Variants in DNAJB12 observed in about 807,000 individuals in gnomAD.
DNAJB12 encodes the protein dnaJ homolog subfamily B member 12.
In DNAJB12, 14 loss-of-function variants were observed where a neutral mutation model predicts 40.6. The ratio of observed to expected loss-of-function variants is 0.34; its 90% CI spans 0.23 to 0.54. The LOEUF (loss-of-function observed/expected upper bound fraction) is 0.54, where lower values mean the gene tolerates loss of function less well. Among genes scored for constraint, DNAJB12 ranks in the 20% least tolerant of loss-of-function variants. The probability of loss-of-function intolerance (pLI) is 0.92; values close to 1 mark genes in which losing one functional copy is unlikely to be tolerated. For missense variants in DNAJB12, 444 were observed against 501.7 expected, an observed-to-expected ratio of 0.89 and a Z score of 1.10; for synonymous variants, 181 against 199.5, an observed-to-expected ratio of 0.91 and a Z score of 0.78.
At chr10:72,354,642 C>CAGTGCGCAGTAGGCGT (rs1862018491) in intron 1 of DNAJB12, 123 bp downstream of exon 1, 1 of 918,228 alleles carries the variant, frequency 1.1e-6, no homozygotes, top group Non-Finnish European at 1.6e-6. Context: ...CCGCGCGCCT[C>CAGTGCGCAGTAGGCGT]AGTGCGCAGG....
rs970046861 is a variant in DNAJB12 at position 72,333,144 on chromosome 10, A to G, written c.*1504T>C. 5.3e-5 allele frequency: 8 copies of G among 152,070 alleles called. No individual in the cohort carries two copies. In the South Asian group the frequency reaches 1.7e-3, roughly 32 times the overall value. 9.4% of individuals were successfully genotyped at this position (152,070 alleles called of 1,614,324 possible). ...AACTTCCTTTCCCAGCAAGAATCCTATTTGTTGGGGGACTTTTAAAAAAAG... is the reference window on the plus strand; with the variant it reads ...AACTTCCTTTCCCAGCAAGAATCCTGTTTGTTGGGGGACTTTTAAAAAAAG... On this transcript the variant is annotated 3_prime_UTR_variant, in exon 9 of 9. Transcript: ENST00000444643.
intron 3 of DNAJB12, among the ~76,000 whole-genome samples, chr10:72,342,073 TG>T (rs1266229662): frequency 2.0e-5 from 3 of 152,206 alleles, no homozygotes; most frequent in Non-Finnish European, 4.4e-5. Flanking sequence ...TATTGTGAAC[TG>T]GAAAGCAGCA....
intron 2 of DNAJB12, among the ~76,000 whole-genome samples, chr10:72,343,987 T>A (rs1321897483): frequency 6.6e-6 from 1 of 151,984 alleles, no homozygotes; most frequent in African/African-American, 2.4e-5. Context: ...ACTCCTGGGC[T>A]CAAGGGATCC....
intron 2 of DNAJB12, among the ~76,000 whole-genome samples, chr10:72,344,284 A>G (rs927709613): frequency 6.6e-6 from 1 of 152,070 alleles, no homozygotes; most frequent in African/African-American, 2.4e-5. Context: ...TCTCGCCTAC[A>G]CTTTTATGGC....
At chr10:72,352,690 G>GT (rs1861963116) in intron 1 of DNAJB12, among the ~76,000 whole-genome samples, 1 of 152,064 alleles carries the variant, frequency 6.6e-6, no homozygotes, top group African/African-American at 2.4e-5. Flanking sequence ...ATTTGTTTCT[G>GT]TAAGTTTTGT....
At chr10:72,336,291 G>A (rs1010419583) in intron 7 of DNAJB12, among the ~76,000 whole-genome samples, 1 of 152,230 alleles carries the variant, frequency 6.6e-6, no homozygotes, top group Non-Finnish European at 1.5e-5. Context: ...ATGCTGGGCT[G>A]ATGGCAGTGA....
chr10:72,334,870 C>A, intron 8 of DNAJB12: 2 of 1,312,840 alleles, frequency 1.5e-6, no homozygotes, highest in Non-Finnish European at 1.9e-6. Flanking sequence ...GGCACCCACA[C>A]AGAGAAGAAC....
chr10:72,340,802 T>A lies in DNAJB12; in HGVS notation c.710A>T (p.Asp237Val). 6.2e-7 allele frequency: 1 copy of A among 1,614,106 alleles called. No individual in the cohort carries two copies. The highest frequency in any genetic ancestry group is 1.3e-5 in the African/African-American group (1 of 75,074). The change falls in exon 5 of 9, where the codon GAC becomes GTC. Residue 237 changes from aspartate (D) to valine (V), a missense_variant. Physicochemically the swap from Asp to Val is radical, Grantham distance 152 (BLOSUM62 -3). Transcript: ENST00000444643. ...CTCCTCACTCACATCACCCTGGTTG[T>A]CCCTGCGGTCCTGCCTTTGCTGGTA... ...YTYQQRQDRR[D>V]NQGDGGLGVF...
rs1861381725 is a variant in DNAJB12 at position 72,333,659 on chromosome 10, G to A, written c.*989C>T. The A allele has an allele frequency of 6.5e-6, 1 of 152,758 alleles. No homozygotes were observed. Among genetic ancestry groups the A allele is most frequent in the African/African-American group, 2.4e-5 (1 of 41,460 alleles). The allele number at this position is 152,758 out of a possible 1,614,324, so 9.5% of individuals were successfully genotyped here. ...GGCAAAGCCCACTGAGGGACTTAGGGGTGGGGAAATGGTTAGGTAGATCCT... is the reference window on the plus strand; with the variant it reads ...GGCAAAGCCCACTGAGGGACTTAGGAGTGGGGAAATGGTTAGGTAGATCCT... On this transcript the variant is annotated 3_prime_UTR_variant, in exon 9 of 9. Coordinates refer to ENST00000444643, the MANE Select transcript of DNAJB12 (RefSeq NM_017626.7).
rs1464045050 is a variant in DNAJB12, at chr10:72,336,385, G to C, written c.1006+139C>G. On this transcript the variant is annotated intron_variant, in intron 7 of 8. Coordinates refer to ENST00000444643, the MANE Select transcript of DNAJB12 (RefSeq NM_017626.7). ...CAGGAGTGGAGACCAGCTCTTGTCT[G>C]GGAGGTGGCTGGTGCAGGGCAGTGC... The C allele has an allele frequency of 4.4e-6, 4 of 906,286 alleles. No homozygotes were observed. In the African/African-American group the frequency reaches 6.7e-5, roughly 15 times the overall value. The allele number at this position is 906,286 out of a possible 1,614,324, so 56.1% of individuals were successfully genotyped here.
At chr10:72,353,867 T>G (rs1861995255) in intron 1 of DNAJB12, 1 of 152,226 alleles carries the variant, frequency 6.6e-6, no homozygotes, top group South Asian at 2.1e-4. Flanking sequence ...GACGGTTTAC[T>G]GAGTGGTGAT....
chr10:72,340,670 A>G, intron 5 of DNAJB12, 119 bp downstream of exon 5: 1 of 1,023,472 alleles, frequency 9.8e-7, no homozygotes, highest in Non-Finnish European at 1.5e-6. Context: ...GCTGAGAGTT[A>G]TGGGGACTCT....
chr10:72,345,662 C>T (rs1434982230), intron 1 of DNAJB12, among the ~76,000 whole-genome samples: 1 of 150,436 alleles, frequency 6.6e-6, no homozygotes, highest in Non-Finnish European at 1.5e-5. Flanking sequence ...CACCTGAGAT[C>T]AGGAGTTTGT....
chr10:72,354,706 T>G, intron 1 of DNAJB12, 59 bp downstream of exon 1: 20 of 1,204,808 alleles, frequency 1.7e-5, no homozygotes, highest in South Asian at 2.6e-5. Context: ...CGTCGGTCCG[T>G]TCCCGTGTTC....
chr10:72,342,290 C>T (rs1861660168), intron 3 of DNAJB12, among the ~76,000 whole-genome samples: 1 of 152,268 alleles, frequency 6.6e-6, no homozygotes, highest in African/African-American at 2.4e-5. Flanking sequence ...TCTCTCACTC[C>T]CTCTCCTCAA....
chr10:72,335,604 T>C lies in DNAJB12; in HGVS notation c.*30+176A>G. The C allele has an allele frequency of 7.2e-7, 1 of 1,391,172 alleles. No individual in the cohort carries two copies. Among genetic ancestry groups the C allele is most frequent in the Non-Finnish European group, 9.3e-7 (1 of 1,072,434 alleles). The allele number at this position is 1,391,172 out of a possible 1,614,324, so 86.2% of individuals were successfully genotyped here. A position where few individuals can be genotyped will look rare whatever the true frequency, so the allele number is the denominator to read the frequency against. ...CATCGCTAGAGGGCGGAAACCGACC[T>C]TGGTTTCCCAGCAGGCCCCACAGCT... On this transcript the variant is annotated intron_variant, in intron 8 of 8. Transcript: ENST00000444643. The surrounding 1 kb of genome is among the most constrained non-coding windows in gnomAD (Gnocchi z 4.4).
In DNAJB12 at chr10:72,336,447, C is replaced by A; in HGVS notation, c.1006+77G>T. ...CCCTCAGAGCACAGGGTGAGCAGGG[C>A]TCTCTCCTTCCCCTGCTTTCCAGCT... On this transcript the variant is annotated intron_variant, in intron 7 of 8. Transcript: ENST00000444643. 4.1e-6 allele frequency: 6 copies of A among 1,450,980 alleles called. No individual in the cohort carries two copies. The Admixed American group carries it at 1.0e-4, about 25-fold the overall frequency. 89.9% of individuals were successfully genotyped at this position (1,450,980 alleles called of 1,614,324 possible).
chr10:72,354,262 T>C (rs1862007915), intron 1 of DNAJB12: 1 of 154,394 alleles, frequency 6.5e-6, no homozygotes, highest in Non-Finnish European at 1.4e-5. Context: ...TCCCTGACCC[T>C]CAGCCCGAGA....
intron 1 of DNAJB12, 53 bp downstream of exon 1, chr10:72,354,712 T>C (rs1247247422): frequency 1.6e-6 from 2 of 1,236,010 alleles, no homozygotes; most frequent in Admixed American, 1.8e-5. Context: ...TCCGTTCCCG[T>C]GTTCCCCCCA....
Sources: gnomAD v4.1 joint callset for allele counts (sites outside exome capture counted in the v4.1 genomes callset) on GRCh38, gnomAD v4.1.1 for gene constraint, Gnocchi (gnomAD v3.1) non-coding constraint, MANE v1.5 for transcripts, NCBI Gene and HGNC (gene_info 2026-07-23, HGNC 2026-07-21) for gene names.